The following BCL2 variants were observed in gnomAD, a reference collection of about 807,000 sequenced individuals.
BCL2 encodes BCL2 apoptosis regulator, also known as apoptosis regulator Bcl-2.
In BCL2, 1 loss-of-function variant was observed where a neutral mutation model predicts 14.2. That is an observed-to-expected ratio of 0.07 (90% CI 0.02 to 0.33). BCL2 has a LOEUF of 0.33. Ranked by LOEUF, BCL2 falls within the 10% of genes least tolerant of loss-of-function variation. The pLI is 0.99. For missense variants in BCL2, 247 were observed against 305.9 expected, an observed-to-expected ratio of 0.81 and a Z score of 1.44; for synonymous variants, 151 against 137.2, an observed-to-expected ratio of 1.10 and a Z score of -0.70.
intron 2 of BCL2, among the ~76,000 whole-genome samples, chr18:63,191,906 C>A (rs923497415): frequency 6.6e-6 from 1 of 152,186 alleles, no homozygotes; most frequent in Non-Finnish European, 1.5e-5. Context: ...GTCTTCATTT[C>A]TTTTGCATTA....
chr18:63,175,023 T>C (rs1355736600), intron 2 of BCL2, among the ~76,000 whole-genome samples: 1 of 152,164 alleles, frequency 6.6e-6, no homozygotes, highest in African/African-American at 2.4e-5. Context: ...TGACATTGTT[T>C]GAAGTCTACC....
intron 2 of BCL2, among the ~76,000 whole-genome samples, chr18:63,297,546 G>A (rs1478995204): frequency 1.3e-5 from 2 of 152,206 alleles, no homozygotes; most frequent in Admixed American, 6.5e-5. Flanking sequence ...TGGTGGCACA[G>A]AGCAGCCTTT....
intron 2 of BCL2, chr18:63,317,644 AG>A: frequency 9.8e-7 from 1 of 1,019,700 alleles, no homozygotes; most frequent in East Asian, 7.6e-5. Context: ...GGCTTGTTTC[AG>A]GGGAGCTTGT....
intron 2 of BCL2, among the ~76,000 whole-genome samples, chr18:63,189,067 A>G (rs1385089561): frequency 1.3e-5 from 2 of 149,650 alleles, no homozygotes; most frequent in African/African-American, 4.9e-5. Context: ...ACACATAGGT[A>G]GAAAAAACTT....
intron 2 of BCL2, chr18:63,316,327 T>C (rs1015591116): frequency 6.6e-6 from 1 of 152,138 alleles, no homozygotes; most frequent in African/African-American, 2.4e-5. Flanking sequence ...AGAAAGAAAA[T>C]TTGTAAGTGT....
intron 2 of BCL2, among the ~76,000 whole-genome samples, chr18:63,182,944 A>G (rs1915511588): frequency 6.6e-6 from 1 of 152,218 alleles, no homozygotes; most frequent in Non-Finnish European, 1.5e-5. Context: ...AGGCTTCCTG[A>G]AATACTTGAA....
At chr18:63,313,093 T>C (rs187192076) in intron 2 of BCL2, among the ~76,000 whole-genome samples, 6 of 152,316 alleles carry the variant, frequency 3.9e-5, no homozygotes, top group East Asian at 1.9e-4. Context: ...AAATAACTTA[T>C]AGTTATTTGC....
chr18:63,260,511 A>G (rs1191515064), intron 2 of BCL2, among the ~76,000 whole-genome samples: 3 of 152,238 alleles, frequency 2.0e-5, no homozygotes, highest in African/African-American at 7.2e-5. Flanking sequence ...TCCATGAGCC[A>G]GGCACGCCCT....
chr18:63,222,981 C>T (rs1181422379), intron 2 of BCL2, among the ~76,000 whole-genome samples: 1 of 152,076 alleles, frequency 6.6e-6, no homozygotes, highest in African/African-American at 2.4e-5. Context: ...AATTAACAGA[C>T]AAAGGAAGCT....
chr18:63,254,205 G>A (rs987623517), intron 2 of BCL2, among the ~76,000 whole-genome samples: 9 of 151,742 alleles, frequency 5.9e-5, no homozygotes, highest in East Asian at 1.9e-4. Context: ...AACAATGGCC[G>A]TGTAAACAAC....
At chr18:63,317,559 C>G (rs1017486547) in intron 2 of BCL2, 1 of 987,166 alleles carries the variant, frequency 1.0e-6, no homozygotes, top group Non-Finnish European at 1.2e-6. Flanking sequence ...AAAATTTTAC[C>G]GATTGATGAT....
rs540847342 is a variant in BCL2 at position 63,203,685 on chromosome 18, C to CGCACACACACACACACAT, written c.586-74944_586-74927dup. Among the ~76,000 whole-genome samples, 733 of 152,178 alleles carry CGCACACACACACACACAT rather than the reference C, an allele frequency of 4.8e-3. 7 individuals are homozygous for CGCACACACACACACACAT. Among genetic ancestry groups the CGCACACACACACACACAT allele is most frequent in the African/African-American group, 0.017 (701 of 41,492 alleles). On this transcript the variant is annotated intron_variant, in intron 2 of 2. Coordinates refer to ENST00000333681, the MANE Select transcript of BCL2 (RefSeq NM_000633.3). ...TTAAATACATTCATACATATGCACACGCACACACACACACACATACACACA... is the reference window on the plus strand; with the variant it reads ...TTAAATACATTCATACATATGCACACGCACACACACACACACATGCACACACACACACACATACACACA...
chr18:63,243,505 G>A (rs1019674348), intron 2 of BCL2, among the ~76,000 whole-genome samples: 10 of 152,092 alleles, frequency 6.6e-5, no homozygotes, highest in African/African-American at 1.7e-4. Context: ...ATGTACCGCT[G>A]AACTTAAAAT....
chr18:63,171,436 T>C (rs764365799), intron 2 of BCL2, among the ~76,000 whole-genome samples: 3 of 152,164 alleles, frequency 2.0e-5, no homozygotes, highest in Non-Finnish European at 4.4e-5. Flanking sequence ...TCAGATAACA[T>C]GTAAAGAAAA....
chr18:63,246,016 T>G (rs578026873), intron 2 of BCL2, among the ~76,000 whole-genome samples: 5 of 152,186 alleles, frequency 3.3e-5, no homozygotes, highest in Non-Finnish European at 5.9e-5. Context: ...TTTGTCAATA[T>G]GAGAGCTCTA....
At chr18:63,157,548 C>T (rs935565573) in intron 2 of BCL2, among the ~76,000 whole-genome samples, 1 of 152,216 alleles carries the variant, frequency 6.6e-6, no homozygotes, top group African/African-American at 2.4e-5. Context: ...CTGTTTTCAG[C>T]GTTAACCTTA....
intron 2 of BCL2, among the ~76,000 whole-genome samples, chr18:63,129,731 C>T (rs1224245235): frequency 6.6e-6 from 1 of 152,208 alleles, no homozygotes; most frequent in Non-Finnish European, 1.5e-5. Flanking sequence ...TCTGCTGATG[C>T]CCTGGCGTGG....
chr18:63,236,650 A>C (rs936330298), intron 2 of BCL2, among the ~76,000 whole-genome samples: 1 of 152,234 alleles, frequency 6.6e-6, no homozygotes, highest in Non-Finnish European at 1.5e-5. Context: ...ACGGCTCTTC[A>C]ATGAATCTGT....
At chr18:63,267,680 A>G (rs1423225314) in intron 2 of BCL2, among the ~76,000 whole-genome samples, 1 of 152,206 alleles carries the variant, frequency 6.6e-6, no homozygotes, top group African/African-American at 2.4e-5. Context: ...TGCAGTAAAT[A>G]TATATCCTTG....
Sources: gnomAD v4.1 joint callset for allele counts (sites outside exome capture counted in the v4.1 genomes callset) on GRCh38, gnomAD v4.1.1 for gene constraint, MANE v1.5 for transcripts, NCBI Gene and HGNC (gene_info 2026-07-23, HGNC 2026-07-21) for gene names.